The following RFX1 variants were observed in gnomAD, a reference collection of about 807,000 sequenced individuals.
RFX1 encodes the protein regulatory factor X1, also known as MHC class II regulatory factor RFX1.
RFX1 carries 42 observed loss-of-function variants against 119.6 expected under a neutral mutation model. That is an observed-to-expected ratio of 0.35 (90% CI 0.27 to 0.45). The LOEUF is 0.45. RFX1 is among the 20% of genes least tolerant of loss of function. The probability of loss-of-function intolerance (pLI) is 1.00; values close to 1 mark genes in which losing one functional copy is unlikely to be tolerated. For synonymous variants in RFX1, 628 were observed against 618.5 expected, an observed-to-expected ratio of 1.02 and a Z score of -0.23; for missense variants, 1,118 against 1,368.1, an observed-to-expected ratio of 0.82 and a Z score of 2.88.
chr19:13,966,315 C>G lies in RFX1; in HGVS notation c.1961+106G>C, dbSNP rs147609000. On this transcript the variant is annotated intron_variant, in intron 14 of 20. Coordinates refer to ENST00000254325, the MANE Select transcript of RFX1 (RefSeq NM_002918.5). This position sits in a 1 kb window ranked among gnomAD's most constrained non-coding sequence, Gnocchi z 6.3. ...CACAGCCAAGGATATGTGTACCCCA[C>G]AAACTGCAGGGGACAAGCAGGTGCC... 805 of 691,938 alleles carry G rather than the reference C, an allele frequency of 1.2e-3. 3 individuals carry two copies. The African/African-American group carries it at 0.013, about 11-fold the overall frequency. The allele number at this position is 691,938 out of a possible 1,614,324, so 42.9% of individuals were successfully genotyped here.
chr19:13,963,763 G>A lies in RFX1; in HGVS notation c.2362-17C>T. 1 of 1,541,492 alleles carries A rather than the reference G, an allele frequency of 6.5e-7. No individual in the cohort carries two copies. Among genetic ancestry groups the A allele is most frequent in the South Asian group, 1.2e-5 (1 of 83,018 alleles). Reference sequence around the variant, plus strand: ...GGCCTGCTCCTGGGGCACAGAGGGTGGGCGGGCGCCCGGGGCTCAGCCGCC... The same window carrying A: ...GGCCTGCTCCTGGGGCACAGAGGGTAGGCGGGCGCCCGGGGCTCAGCCGCC... On this transcript the variant is annotated splice_polypyrimidine_tract_variant and intron_variant, in intron 17 of 20. Coordinates refer to ENST00000254325, the MANE Select transcript of RFX1 (RefSeq NM_002918.5).
rs1568464137 is a variant in RFX1 at position 13,973,012 on chromosome 19, C to A, written c.1045G>T (p.Ala349Ser). The change falls in exon 9 of 21, where the codon GCG (alanine) becomes TCG (serine). Residue 349 changes from alanine (A) to serine (S), a missense_variant. Coordinates refer to ENST00000254325, the MANE Select transcript of RFX1 (RefSeq NM_002918.5). ...GGCATGGAGCCACTGCTGGCCACCGCCTGGGAGGTGGCGGGGGTGCTGACC... is the reference window on the plus strand; with the variant it reads ...GGCATGGAGCCACTGCTGGCCACCGACTGGGAGGTGGCGGGGGTGCTGACC... ...TQVSTPATSQ[A>S]VASSGSMPMY... is the part of the protein sequence containing the mutation. 3 of 1,601,104 alleles carry A rather than the reference C, an allele frequency of 1.9e-6. No homozygotes were observed. The highest frequency in any genetic ancestry group is 1.7e-6 in the Non-Finnish European group (2 of 1,179,800).
In RFX1 at chr19:13,986,244, C is replaced by A. The variant is rs115225601; in HGVS notation, c.320-2649G>T. Among the ~76,000 whole-genome samples the A allele has an allele frequency of 5.9e-3, 897 of 152,126 alleles. 9 individuals are homozygous for A. The highest frequency in any genetic ancestry group is 0.021 in the African/African-American group (853 of 41,532). ...AGGGAGTGGGGGGCTGGCCCCCCACCCTCTCCAGGGCTCAGGGGCTGGTCG... is the reference window on the plus strand; with the variant it reads ...AGGGAGTGGGGGGCTGGCCCCCCACACTCTCCAGGGCTCAGGGGCTGGTCG... On this transcript the variant is annotated intron_variant, in intron 2 of 20. Coordinates refer to ENST00000254325, the MANE Select transcript of RFX1 (RefSeq NM_002918.5). The surrounding 1 kb of genome is among the most constrained non-coding windows in gnomAD (Gnocchi z 4.2).
chr19:13,980,819 C>G lies in RFX1; in HGVS notation c.622-130G>C, dbSNP rs1568469918. ...GCAGTCTGTGGGGACCTATCCCAAC[C>G]ACCGAGGCTGGTAACTGACCGCGTC... On this transcript the variant is annotated intron_variant, in intron 5 of 20. Transcript: ENST00000254325. The surrounding 1 kb of genome is among the most constrained non-coding windows in gnomAD (Gnocchi z 5.1). 3.4e-6 allele frequency: 2 copies of G among 585,032 alleles called. No homozygotes were observed. Among genetic ancestry groups the G allele is most frequent in the African/African-American group, 3.8e-5 (2 of 52,972 alleles). The allele number at this position is 585,032 out of a possible 1,614,324, so 36.2% of individuals were successfully genotyped here.
chr19:13,972,738 C>T lies in RFX1; in HGVS notation c.1314+5G>A. The T allele has an allele frequency of 6.3e-7, 1 of 1,588,194 alleles. No homozygotes were observed. The highest frequency in any genetic ancestry group is 8.6e-7 in the Non-Finnish European group (1 of 1,165,378). On this transcript the variant is annotated splice_donor_5th_base_variant and intron_variant, in intron 9 of 20. Transcript: ENST00000254325. ...CTCCTCTGGGGCCCGCGTTGGGGCA[C>T]TTACCGTGGCTGGCGAGGCACGGGT...
intron 16 of RFX1, 185 bp from the exon 17 acceptor site, chr19:13,964,192 C>T: frequency 1.7e-6 from 1 of 583,664 alleles, no homozygotes; most frequent in Non-Finnish European, 3.0e-6. Flanking sequence ...CACTCACAAG[C>T]GCCCCCCAAA....
chr19:13,997,362 G>T (rs1200533834), intron 1 of RFX1, among the ~76,000 whole-genome samples: 1 of 152,226 alleles, frequency 6.6e-6, no homozygotes, highest in Non-Finnish European at 1.5e-5. Context: ...TGTGACTTTT[G>T]AGGAGAGCCC....
chr19:13,985,557 T>A lies in RFX1; in HGVS notation c.320-1962A>T, dbSNP rs962700393. Among the ~76,000 whole-genome samples, 2 of 152,208 alleles carry A rather than the reference T, an allele frequency of 1.3e-5. No individual in the cohort carries two copies. The highest frequency in any genetic ancestry group is 2.9e-5 in the Non-Finnish European group (2 of 68,042). ...AGGAAGTGATCTGTCCAAGGTCAAA[T>A]GCACCATCCACCGTGCAGGCCATGA... On this transcript the variant is annotated intron_variant, in intron 2 of 20. Coordinates refer to ENST00000254325, the MANE Select transcript of RFX1 (RefSeq NM_002918.5). The surrounding 1 kb of genome is among the most constrained non-coding windows in gnomAD (Gnocchi z 4.3).
chr19:13,979,401 CG>C (rs778274359), intron 7 of RFX1, 45 bp downstream of exon 7: 12 of 1,403,074 alleles, frequency 8.6e-6, no homozygotes, highest in Non-Finnish European at 1.2e-5. Flanking sequence ...AGCCCCAGCC[CG>C]GGACCAGCCC....
intron 2 of RFX1, among the ~76,000 whole-genome samples, chr19:13,991,914 G>A (rs1392162890): frequency 3.3e-5 from 5 of 151,876 alleles, no homozygotes; most frequent in East Asian, 3.9e-4. Flanking sequence ...CACCTGCCTC[G>A]GCCTCCCAAA....
chr19:13,970,319 C>T (rs991531710), intron 9 of RFX1, 144 bp from the exon 10 acceptor site: 1 of 647,742 alleles, frequency 1.5e-6, no homozygotes. Flanking sequence ...CTGCCATCCT[C>T]TCCAAGAACT....
intron 8 of RFX1, among the ~76,000 whole-genome samples, chr19:13,977,705 C>G (rs1486701775): frequency 6.6e-6 from 1 of 151,850 alleles, no homozygotes; most frequent in Non-Finnish European, 1.5e-5. Flanking sequence ...GCGTGAGCCA[C>G]CGTGCCTGGC....
chr19:13,963,601 T>C lies in RFX1; in HGVS notation c.2507A>G (p.Tyr836Cys). The stretch of plus-strand genomic sequence containing the variant: ...CTTGGGGAAGCCGGCGCTGCCCTGG[T>C]AGGGCTTGAGCACCTGGCTCACCAC... ...DGVVSQVLKP[Y>C]QGSAGFPKAA... The change falls in exon 18 of 21, where the codon TAC becomes TGC. Residue 836 changes from tyrosine to cysteine, a missense_variant. Transcript: ENST00000254325. 6.2e-7 allele frequency: 1 copy of C among 1,604,358 alleles called. No individual in the cohort carries two copies. The highest frequency in any genetic ancestry group is 8.5e-7 in the Non-Finnish European group (1 of 1,178,970).
chr19:13,963,380 A>G lies in RFX1; in HGVS notation c.2571-105T>C, dbSNP rs553997090. 7.4e-4 allele frequency: 1,074 copies of G among 1,458,424 alleles called. 9 individuals are homozygous for G. In the African/African-American group the frequency reaches 0.013, roughly 18 times the overall value. 90.3% of individuals were successfully genotyped at this position (1,458,424 alleles called of 1,614,324 possible). ...GGGCCTCGCGCCAGCCCAGTGACTC[A>G]GGCTGGATCCCGCACAGCCTTCCCG... On this transcript the variant is annotated intron_variant, in intron 18 of 20. Transcript: ENST00000254325.
Position 13,968,496 on chromosome 19 carries a change from A to C in RFX1, c.1732+69T>G, listed in dbSNP as rs1973973448. 1.5e-6 allele frequency: 2 copies of C among 1,308,404 alleles called. No individual in the cohort carries two copies. The highest frequency in any genetic ancestry group is 2.2e-6 in the Non-Finnish European group (2 of 905,656). 81.0% of individuals were successfully genotyped at this position (1,308,404 alleles called of 1,614,324 possible). ...GCTCAGAGGCTGCCTGCCGCCATCC[A>C]GCTTTGGGAACCGTCTGCACGGGGC... On this transcript the variant is annotated intron_variant, in intron 12 of 20. Transcript: ENST00000254325. This position sits in a 1 kb window ranked among gnomAD's most constrained non-coding sequence, Gnocchi z 5.5.
In RFX1 at chr19:13,980,767, T is replaced by A; in HGVS notation, c.622-78A>T. ...TGAGGTGGGCTCACACACACACCCT[T>A]CTCAGGAGAGCTGTCTGGGGAGGGC... On this transcript the variant is annotated intron_variant, in intron 5 of 20. Transcript: ENST00000254325. This position sits in a 1 kb window ranked among gnomAD's most constrained non-coding sequence, Gnocchi z 5.1. 1 of 215,546 alleles carries A rather than the reference T, an allele frequency of 4.6e-6. No individual in the cohort carries two copies. Among genetic ancestry groups the A allele is most frequent in the Non-Finnish European group, 7.0e-6 (1 of 142,352 alleles). 13.4% of individuals were successfully genotyped at this position (215,546 alleles called of 1,614,324 possible). A position where few individuals can be genotyped will look rare whatever the true frequency, so the allele number is the denominator to read the frequency against.
At chr19:13,988,977 G>A (rs1291610346) in intron 2 of RFX1, among the ~76,000 whole-genome samples, 4 of 152,158 alleles carry the variant, frequency 2.6e-5, no homozygotes, top group East Asian at 3.9e-4. Flanking sequence ...AACTGAGATC[G>A]CACCACTGCA....
chr19:13,963,019 G>A lies in RFX1; in HGVS notation c.2745C>T (p.Ser915=). The A allele has an allele frequency of 6.4e-7, 1 of 1,555,412 alleles. No homozygotes were observed. Among genetic ancestry groups the A allele is most frequent in the Non-Finnish European group, 8.7e-7 (1 of 1,149,122 alleles). The change falls in exon 20 of 21, where the codon TCC becomes TCT. Residue 915 remains serine, a synonymous_variant. Coordinates refer to ENST00000254325, the MANE Select transcript of RFX1 (RefSeq NM_002918.5). ...VMGEFANLAT[S]LNPLDPDKDE... ...CTTTGTCGGGGTCCAGGGGGTTCAG[G>A]GAGGTGGCCAGATTGGCGAACTGGA... is the stretch of plus-strand genomic sequence containing the variant.
intron 2 of RFX1, among the ~76,000 whole-genome samples, chr19:13,992,180 T>C (rs549572160): frequency 6.6e-6 from 1 of 152,246 alleles, no homozygotes; most frequent in East Asian, 1.9e-4. Context: ...GGCAGGCGCC[T>C]GTAGTCCCAG....
Sources: allele counts gnomAD v4.1 joint callset (sites outside exome capture counted in the v4.1 genomes callset), GRCh38; gene constraint gnomAD v4.1.1; non-coding constraint Gnocchi (gnomAD v3.1); transcripts MANE v1.5; gene names NCBI Gene and HGNC (gene_info 2026-07-23, HGNC 2026-07-21).